INTS7: variants seen among roughly 807,000 people sequenced by gnomAD.
INTS7 encodes the protein chromosome 1 open reading frame 73.
Under a neutral mutation model 109.2 loss-of-function variants are expected in INTS7, and 46 were observed. The observed-to-expected ratio is 0.42, with a 90% CI of 0.33 to 0.54. INTS7 has a LOEUF of 0.54. Among genes scored for constraint, INTS7 ranks in the 20% least tolerant of loss-of-function variants. INTS7 has a pLI of 0.07. For missense variants in INTS7, 929 were observed against 1,132.4 expected, an observed-to-expected ratio of 0.82 and a Z score of 2.58; for synonymous variants, 412 against 402.9, an observed-to-expected ratio of 1.02 and a Z score of -0.27.
Position 211,942,070 on chromosome 1 carries a change from A to G in INTS7, c.2643T>C (p.Val881=), listed in dbSNP as rs776485352. 5 of 1,614,126 alleles carry G rather than the reference A, an allele frequency of 3.1e-6. No individual in the cohort carries two copies. The Admixed American group carries it at 8.3e-5, about 27-fold the overall frequency. The change falls in exon 20 of 20, where the codon GTT becomes GTC. Residue 881 remains valine, a synonymous_variant. Coordinates refer to ENST00000366994, the MANE Select transcript of INTS7 (RefSeq NM_015434.4). The surrounding 1 kb of genome is among the most constrained non-coding windows in gnomAD (Gnocchi z 4.2). Reference sequence around the variant, plus strand: ...TACTGAAGTAATCATTATGAGGTTCAACCCTTTGCTCCATCTCATTGGTCA... The same window carrying G: ...TACTGAAGTAATCATTATGAGGTTCGACCCTTTGCTCCATCTCATTGGTCA... ...DNMTNEMEQR[V]EPHNDYFSTQ... is the part of the protein sequence containing the mutation.
intron 16 of INTS7, among the ~76,000 whole-genome samples, chr1:211,958,070 TAA>T (rs11310640): frequency 1.3e-5 from 2 of 148,528 alleles, no homozygotes; most frequent in Non-Finnish European, 3.0e-5. Flanking sequence ...TTTTAAAAAT[TAA>T]AAAAAAAAAC....
At chr1:212,033,337 C>T (rs1352981573) in intron 1 of INTS7, among the ~76,000 whole-genome samples, 2 of 152,170 alleles carry the variant, frequency 1.3e-5, no homozygotes, top group Non-Finnish European at 2.9e-5. Flanking sequence ...AACTTAATTT[C>T]CTAACAGCTT....
intron 1 of INTS7, among the ~76,000 whole-genome samples, 155 bp downstream of exon 1, chr1:212,035,189 G>A (rs1667376221): frequency 6.6e-6 from 1 of 152,160 alleles, no homozygotes; most frequent in Non-Finnish European, 1.5e-5. Context: ...CCTCCCGAAG[G>A]GGTCAAAGCC....
intron 1 of INTS7, among the ~76,000 whole-genome samples, chr1:212,032,083 T>G (rs1667190792): frequency 6.6e-6 from 1 of 152,194 alleles, no homozygotes; most frequent in Admixed American, 6.5e-5. Flanking sequence ...ACATACATCC[T>G]CCCAGTAGCT....
intron 13 of INTS7, among the ~76,000 whole-genome samples, chr1:211,969,546 CTTTTCTTTTTTTTTT>C (rs1664071469): frequency 8.3e-6 from 1 of 121,072 alleles, no homozygotes; most frequent in Non-Finnish European, 1.7e-5. Flanking sequence ...TTTTCTTTTT[CTTTTCTTTTTTTTTT>C]TTTTTTTTTT....
At chr1:211,985,373 A>G (rs898629957) in intron 8 of INTS7, among the ~76,000 whole-genome samples, 1 of 152,208 alleles carries the variant, frequency 6.6e-6, no homozygotes, top group Non-Finnish European at 1.5e-5. Flanking sequence ...ACATTGAAAA[A>G]ACATAATAAA....
chr1:211,969,626 T>C (rs1357156759), intron 13 of INTS7, among the ~76,000 whole-genome samples: 1 of 147,850 alleles, frequency 6.8e-6, no homozygotes, highest in Non-Finnish European at 1.5e-5. Flanking sequence ...TACAATCATG[T>C]CTCACTGCAG....
At chr1:211,968,243 CTAAAA>C (rs1466546734) in intron 14 of INTS7, among the ~76,000 whole-genome samples, 2 of 152,122 alleles carry the variant, frequency 1.3e-5, no homozygotes, top group African/African-American at 4.8e-5. Flanking sequence ...TCAAGTTCCA[CTAAAA>C]TAATTTAGTT....
Position 211,984,197 on chromosome 1 carries a change from T to C in INTS7, c.998-1387A>G, listed in dbSNP as rs192672357. ...GCAAAACATTAGAAAGATGAAACTA[T>C]ATCTTTATTTTTTCAAAACTGTGGA... On this transcript the variant is annotated intron_variant, in intron 8 of 19. Coordinates refer to ENST00000366994, the MANE Select transcript of INTS7 (RefSeq NM_015434.4). 9.2e-5 allele frequency among the ~76,000 whole-genome samples: 14 copies of C among 152,332 alleles called. No homozygotes were observed. In the East Asian group the frequency reaches 2.7e-3, roughly 29 times the overall value.
At chr1:211,966,605 T>C (rs1663891859) in intron 15 of INTS7, 107 bp from the exon 16 acceptor site, 5 of 693,886 alleles carry the variant, frequency 7.2e-6, no homozygotes, top group Non-Finnish European at 7.6e-6. Context: ...CTAGTGAAGG[T>C]AATCATAATG....
chr1:211,957,387 A>G (rs1663418201), intron 16 of INTS7, among the ~76,000 whole-genome samples: 1 of 152,066 alleles, frequency 6.6e-6, no homozygotes, highest in Non-Finnish European at 1.5e-5. Context: ...CTCTACTAAA[A>G]ATACAAAAAT....
chr1:212,000,428 C>G (rs1421747456), intron 7 of INTS7, among the ~76,000 whole-genome samples: 1 of 152,144 alleles, frequency 6.6e-6, no homozygotes, highest in Non-Finnish European at 1.5e-5. Context: ...TGTTATACTT[C>G]TTAACCACTC....
intron 10 of INTS7, 77 bp from the exon 11 acceptor site, chr1:211,978,588 G>A: frequency 6.6e-7 from 1 of 1,516,682 alleles, no homozygotes; most frequent in African/African-American, 1.4e-5. Flanking sequence ...GCTTTGTACA[G>A]GTTACTGGGG....
Position 211,985,957 on chromosome 1 carries a change from C to A in INTS7, c.997+1929G>T, listed in dbSNP as rs1412708732. Reference sequence around the variant, plus strand: ...TTGAAAGCACCCTAGGTATATGGTACGTTGTTTATAAAGAAGGCTGTGATA... The same window carrying A: ...TTGAAAGCACCCTAGGTATATGGTAAGTTGTTTATAAAGAAGGCTGTGATA... On this transcript the variant is annotated intron_variant, in intron 8 of 19. Transcript: ENST00000366994. 2.0e-5 allele frequency among the ~76,000 whole-genome samples: 3 copies of A among 152,250 alleles called. 1 individual carries two copies. Among genetic ancestry groups the A allele is most frequent in the Non-Finnish European group, 4.4e-5 (3 of 68,012 alleles).
At chr1:212,003,712 A>C (rs114104717) in intron 7 of INTS7, among the ~76,000 whole-genome samples, 1,636 of 152,330 alleles carry the variant, frequency 0.011, 29 homozygotes, top group African/African-American at 0.037. Context: ...TGAAAATGGC[A>C]TTCAAATGTG....
chr1:211,975,053 C>G, intron 13 of INTS7, 113 bp downstream of exon 13: 2 of 704,298 alleles, frequency 2.8e-6, no homozygotes, highest in Non-Finnish European at 5.0e-6. Context: ...TTTCCATGAC[C>G]TATTTCATAT....
chr1:211,983,102 T>G (rs1240356374), intron 8 of INTS7, among the ~76,000 whole-genome samples: 1 of 152,206 alleles, frequency 6.6e-6, no homozygotes, highest in South Asian at 2.1e-4. Context: ...ACAACTATCC[T>G]AAGAGTTCAA....
Position 211,952,410 on chromosome 1 carries a change from T to A in INTS7, c.2316+159A>T. 5 of 562,516 alleles carry A rather than the reference T, an allele frequency of 8.9e-6. No homozygotes were observed. The South Asian group carries it at 1.5e-4, about 17-fold the overall frequency. 34.8% of individuals were successfully genotyped at this position (562,516 alleles called of 1,614,324 possible). A position where few individuals can be genotyped will look rare whatever the true frequency, so the allele number is the denominator to read the frequency against. On this transcript the variant is annotated intron_variant, in intron 17 of 19. Transcript: ENST00000366994. ...TACTTTCATGGATTATCTCATTTAC[T>A]CCCCACTACAATGCTGTGAGGTAGG...
At chr1:212,020,290 TA>T (rs1666632822) in intron 2 of INTS7, 22 bp from the exon 3 acceptor site, 1 of 1,440,034 alleles carries the variant, frequency 6.9e-7, no homozygotes, top group Non-Finnish European at 9.5e-7. Context: ...AGAAATAAAT[TA>T]GGTCACTTTA....
Sources: gnomAD v4.1 joint callset for allele counts (sites outside exome capture counted in the v4.1 genomes callset) on GRCh38, gnomAD v4.1.1 for gene constraint, Gnocchi (gnomAD v3.1) non-coding constraint, MANE v1.5 for transcripts, NCBI Gene and HGNC (gene_info 2026-07-23, HGNC 2026-07-21) for gene names.